The following NRG1 variants were observed in gnomAD, a reference collection of about 807,000 sequenced individuals.
NRG1 encodes pro-neuregulin-1, membrane-bound isoform.
In NRG1, 18 loss-of-function variants were observed where a neutral mutation model predicts 63.8. The ratio of observed to expected loss-of-function variants is 0.28; its 90% confidence interval spans 0.19 to 0.42. NRG1 has a LOEUF of 0.42. NRG1 is among the 10% of genes least tolerant of loss of function. The probability of loss-of-function intolerance (pLI) is 1.00; values close to 1 mark genes in which losing one functional copy is unlikely to be tolerated. For synonymous variants in NRG1, 302 were observed against 301.3 expected (o/e 1.00, Z -0.02); for missense variants, 762 against 814.7 (o/e 0.94, Z 0.79).
intron 1 of NRG1, among the ~76,000 whole-genome samples, chr8:31,644,420 G>T (rs997199091): frequency 1.3e-5 from 2 of 152,132 alleles, no homozygotes; most frequent in Non-Finnish European, 2.9e-5. Flanking sequence ...TTAAAAAGTG[G>T]ATTTAAATAT....
chr8:32,066,421 C>T (rs1824825764), intron 1 of NRG1, among the ~76,000 whole-genome samples: 1 of 152,168 alleles, frequency 6.6e-6, no homozygotes, highest in Non-Finnish European at 1.5e-5. Flanking sequence ...CCAGTTTTCC[C>T]AGCACCATTT....
At chr8:31,870,414 ATGAG>A (rs1313640220) in intron 1 of NRG1, among the ~76,000 whole-genome samples, 1 of 152,178 alleles carries the variant, frequency 6.6e-6, no homozygotes, top group African/African-American at 2.4e-5. Flanking sequence ...GAGTTTAAAA[ATGAG>A]TGAGTGTTCA....
chr8:31,913,603 C>T (rs1833128247), intron 1 of NRG1, among the ~76,000 whole-genome samples: 1 of 152,096 alleles, frequency 6.6e-6, no homozygotes, highest in African/African-American at 2.4e-5. Flanking sequence ...TCGTAGATTA[C>T]TGGAGAAGAC....
chr8:32,419,533 T>A (rs188014614), intron 1 of NRG1, among the ~76,000 whole-genome samples: 96 of 152,260 alleles, frequency 6.3e-4, no homozygotes, highest in African/African-American at 2.2e-3. Context: ...AATACCCAAG[T>A]CTTTAAATAC....
chr8:31,932,078 T>TC (rs1421818783), intron 1 of NRG1, among the ~76,000 whole-genome samples: 1 of 151,282 alleles, frequency 6.6e-6, no homozygotes, highest in Non-Finnish European at 1.5e-5. Context: ...TCATCTCCTT[T>TC]CCCCCCAACA....
intron 5 of NRG1, among the ~76,000 whole-genome samples, chr8:32,688,398 G>A (rs6988339): frequency 0.68 from 102,598 of 151,980 alleles, 36,032 homozygotes; most frequent in African/African-American, 0.89. Context: ...TCCCAGCTAC[G>A]AGGATTTGTC....
At chr8:32,169,987 T>C (rs1009915607) in intron 1 of NRG1, among the ~76,000 whole-genome samples, 1 of 152,112 alleles carries the variant, frequency 6.6e-6, no homozygotes, top group Non-Finnish European at 1.5e-5. Flanking sequence ...CGTAAAGACA[T>C]AGACACACAG....
At chr8:31,805,897 T>G (rs1369813247) in intron 1 of NRG1, among the ~76,000 whole-genome samples, 1 of 149,968 alleles carries the variant, frequency 6.7e-6, no homozygotes, top group Non-Finnish European at 1.5e-5. Context: ...CGATAATAAC[T>G]ATGCTAGTAT....
At chr8:31,691,594 CAAAAAAAAAAAA>C (rs71208138) in intron 1 of NRG1, among the ~76,000 whole-genome samples, 3 of 34,986 alleles carry the variant, frequency 8.6e-5, no homozygotes, top group Non-Finnish European at 1.3e-4. Context: ...GACTCTGTCT[CAAAAAAAAAAAA>C]AAAAAAAAAA....
intron 1 of NRG1, among the ~76,000 whole-genome samples, chr8:31,735,245 A>G (rs1814544729): frequency 6.6e-6 from 1 of 152,172 alleles, no homozygotes. Context: ...TTTCTAAGCC[A>G]AAAGTGGTTT....
chr8:32,538,078 C>G (rs924026127), intron 1 of NRG1, among the ~76,000 whole-genome samples: 1 of 152,062 alleles, frequency 6.6e-6, no homozygotes, highest in Non-Finnish European at 1.5e-5. Flanking sequence ...GCTGGAACTC[C>G]TGACCTCAAG....
chr8:32,466,328 A>G (rs906345984), intron 1 of NRG1, among the ~76,000 whole-genome samples: 28 of 151,784 alleles, frequency 1.8e-4, no homozygotes, highest in African/African-American at 6.1e-4. Context: ...CCCTATTTCA[A>G]AAAACAAAAT....
intron 1 of NRG1, among the ~76,000 whole-genome samples, chr8:31,691,597 A>AAAAAC (rs1809528371): frequency 6.7e-6 from 1 of 148,534 alleles, no homozygotes; most frequent in South Asian, 2.1e-4. Context: ...TCTGTCTCAA[A>AAAAAC]AAAAAAAAAA....
At chr8:32,670,730 T>C (rs1003534964) in intron 5 of NRG1, among the ~76,000 whole-genome samples, 1 of 152,188 alleles carries the variant, frequency 6.6e-6, no homozygotes, top group Non-Finnish European at 1.5e-5. Context: ...CAGCATTTGC[T>C]ACAGGAGTGA....
chr8:32,501,025 C>A (rs1289118540), intron 1 of NRG1, among the ~76,000 whole-genome samples: 1 of 152,160 alleles, frequency 6.6e-6, no homozygotes, highest in Non-Finnish European at 1.5e-5. Flanking sequence ...TCCAGAGTAC[C>A]TGCCAAGGTT....
At chr8:32,695,458 G>A (rs1331384319) in intron 5 of NRG1, among the ~76,000 whole-genome samples, 2 of 152,126 alleles carry the variant, frequency 1.3e-5, no homozygotes, top group African/African-American at 4.8e-5. Flanking sequence ...GAAAAGCAAT[G>A]TACCCTTATC....
chr8:32,273,616 G>A (rs564991756), intron 1 of NRG1, among the ~76,000 whole-genome samples: 26 of 152,316 alleles, frequency 1.7e-4, no homozygotes, highest in South Asian at 6.2e-4. Context: ...AGGTGGTACC[G>A]TTGAGTCACT....
chr8:32,728,878 A>G (rs910556493), intron 6 of NRG1, among the ~76,000 whole-genome samples: 2 of 152,078 alleles, frequency 1.3e-5, no homozygotes, highest in Non-Finnish European at 2.9e-5. Flanking sequence ...ATCCTGGCTA[A>G]CACCGTGAAA....
chr8:32,263,605 T>C (rs368016223), intron 1 of NRG1, among the ~76,000 whole-genome samples: 2 of 152,308 alleles, frequency 1.3e-5, no homozygotes, highest in South Asian at 4.1e-4. Context: ...GAAGAGAATA[T>C]ATGTGAAGTC....
Sources: allele counts gnomAD v4.1 joint callset (sites outside exome capture counted in the v4.1 genomes callset), GRCh38; gene constraint gnomAD v4.1.1; transcripts MANE v1.5; gene names NCBI Gene and HGNC (gene_info 2026-07-23, HGNC 2026-07-21).